The following BRINP1 variants were observed in gnomAD, a reference collection of about 807,000 sequenced individuals.
BRINP1 encodes BMP/retinoic acid inducible neural specific 1.
BRINP1 carries 17 observed loss-of-function variants against 72.9 expected under a neutral mutation model. The ratio of observed to expected loss-of-function variants is 0.23; its 90% CI spans 0.16 to 0.35. BRINP1 has a LOEUF of 0.35. Among genes scored for constraint, BRINP1 ranks in the 10% least tolerant of loss-of-function variants. BRINP1 has a pLI of 1.00. For synonymous variants in BRINP1, 418 were observed against 378.5 expected, an observed-to-expected ratio of 1.10 and a Z score of -1.21; for missense variants, 850 against 1,001.6, an observed-to-expected ratio of 0.85 and a Z score of 2.04.
intron 7 of BRINP1, among the ~76,000 whole-genome samples, chr9:119,198,116 C>T (rs1208984541): frequency 1.3e-5 from 2 of 152,154 alleles, no homozygotes; most frequent in South Asian, 2.1e-4. Context: ...TACCACTACC[C>T]TCAAAAAAGA....
chr9:119,296,233 C>G (rs1830876198), intron 2 of BRINP1, among the ~76,000 whole-genome samples: 1 of 152,022 alleles, frequency 6.6e-6, no homozygotes, highest in South Asian at 2.1e-4. Flanking sequence ...GGCTAAGGAC[C>G]TGAATAGGCA....
chr9:119,196,935 A>C (rs995912550), intron 7 of BRINP1, among the ~76,000 whole-genome samples: 1 of 152,238 alleles, frequency 6.6e-6, no homozygotes, highest in Admixed American at 6.5e-5. Flanking sequence ...ACAAAGCATA[A>C]TCATCCCTCA....
chr9:119,242,159 T>C lies in BRINP1; in HGVS notation c.467A>G (p.Asn156Ser). Reference sequence around the variant, plus strand: ...CAGAGCTTCAACACTTTGAGTGGCATTCCCTGACTTCCTGTCGAGGCGACT... The same window carrying C: ...CAGAGCTTCAACACTTTGAGTGGCACTCCCTGACTTCCTGTCGAGGCGACT... Reference protein sequence around the residue: ...DKSRLDRKSGNATQSVEALHQ... With the variant: ...DKSRLDRKSGSATQSVEALHQ... Residue 156 changes from asparagine to serine, a missense_variant, in exon 4 of 8, where the codon AAT becomes AGT. Coordinates refer to ENST00000265922, the MANE Select transcript of BRINP1 (RefSeq NM_014618.3). The C allele has an allele frequency of 6.2e-7, 1 of 1,614,176 alleles. No homozygotes were observed. Among genetic ancestry groups the C allele is most frequent in the Non-Finnish European group, 8.5e-7 (1 of 1,180,032 alleles).
chr9:119,214,577 C>A (rs1211253275), intron 5 of BRINP1, among the ~76,000 whole-genome samples: 3 of 131,052 alleles, frequency 2.3e-5, no homozygotes, highest in Non-Finnish European at 4.9e-5. Context: ...AGGCACTAGG[C>A]CTGTAGAGAT....
chr9:119,205,827 G>T (rs34066606), intron 7 of BRINP1, among the ~76,000 whole-genome samples: 39,262 of 151,606 alleles, frequency 0.26, 6,404 homozygotes, highest in East Asian at 0.56. Flanking sequence ...ACTGAAAGAG[G>T]TTATTTGTTT....
chr9:119,316,341 GCCTCC>G (rs1831124160), intron 1 of BRINP1, among the ~76,000 whole-genome samples: 1 of 152,184 alleles, frequency 6.6e-6, no homozygotes, highest in Non-Finnish European at 1.5e-5. Context: ...GCCCGCCTCA[GCCTCC>G]CAAAGTGCTG....
intron 6 of BRINP1, among the ~76,000 whole-genome samples, chr9:119,210,472 T>C (rs1004971639): frequency 7.9e-5 from 12 of 152,116 alleles, no homozygotes; most frequent in African/African-American, 2.9e-4. Context: ...ATGAGGTAGG[T>C]ATTTTAGAGC....
intron 1 of BRINP1, among the ~76,000 whole-genome samples, chr9:119,348,661 C>G (rs1831472620): frequency 6.6e-6 from 1 of 152,172 alleles, no homozygotes; most frequent in Admixed American, 6.5e-5. Flanking sequence ...CAAGGTCATT[C>G]TCTCTTTGAA....
At chr9:119,307,375 T>C (rs1474816315) in intron 2 of BRINP1, among the ~76,000 whole-genome samples, 1 of 152,190 alleles carries the variant, frequency 6.6e-6, no homozygotes, top group Admixed American at 6.5e-5. Context: ...ATTTGCATAT[T>C]GGATCAAAAT....
At chr9:119,356,550 C>A (rs978137432) in intron 1 of BRINP1, among the ~76,000 whole-genome samples, 7 of 152,084 alleles carry the variant, frequency 4.6e-5, no homozygotes, top group Admixed American at 2.6e-4. Flanking sequence ...CGCCTGTAAT[C>A]CTAGCACTTT....
intron 2 of BRINP1, among the ~76,000 whole-genome samples, chr9:119,281,046 A>C (rs1184997181): frequency 1.3e-5 from 2 of 152,094 alleles, no homozygotes; most frequent in Non-Finnish European, 2.9e-5. Context: ...CAGATGCTGG[A>C]GTTAATCAGG....
At chr9:119,300,790 T>C (rs533569027) in intron 2 of BRINP1, among the ~76,000 whole-genome samples, 20 of 152,348 alleles carry the variant, frequency 1.3e-4, no homozygotes, top group African/African-American at 4.6e-4. Context: ...GGTCAAGACT[T>C]TATAAAAGAC....
chr9:119,294,735 A>T (rs1830856444), intron 2 of BRINP1, among the ~76,000 whole-genome samples: 1 of 150,324 alleles, frequency 6.7e-6, no homozygotes, highest in Non-Finnish European at 1.5e-5. Context: ...ATGTGTCTGT[A>T]TTCTCAGCTA....
At chr9:119,310,820 C>T (rs115902737) in intron 2 of BRINP1, among the ~76,000 whole-genome samples, 296 of 152,190 alleles carry the variant, frequency 1.9e-3, no homozygotes, top group African/African-American at 6.7e-3. Context: ...TTTGCTGAAA[C>T]GTCAATGTTT....
intron 2 of BRINP1, among the ~76,000 whole-genome samples, chr9:119,252,616 A>G (rs1830403266): frequency 6.6e-6 from 1 of 151,848 alleles, no homozygotes; most frequent in Non-Finnish European, 1.5e-5. Context: ...TGCTTTTTTC[A>G]TATGAACACA....
At chr9:119,222,307 A>T (rs2118886543) in intron 5 of BRINP1, among the ~76,000 whole-genome samples, 1 of 152,274 alleles carries the variant, frequency 6.6e-6, no homozygotes, top group East Asian at 1.9e-4. Flanking sequence ...CAGATACAGG[A>T]GTTGACAAAC....
At chr9:119,304,724 A>AC (rs1830976877) in intron 2 of BRINP1, among the ~76,000 whole-genome samples, 1 of 152,238 alleles carries the variant, frequency 6.6e-6, no homozygotes, top group Non-Finnish European at 1.5e-5. Context: ...AGGCTGCCTG[A>AC]CCAGTAGGTC....
At chr9:119,339,994 C>G (rs1831390821) in intron 1 of BRINP1, among the ~76,000 whole-genome samples, 1 of 152,160 alleles carries the variant, frequency 6.6e-6, no homozygotes, top group South Asian at 2.1e-4. Context: ...CTCCCTGCCC[C>G]TCCCCAAGCT....
chr9:119,198,133 C>T (rs186641324), intron 7 of BRINP1, among the ~76,000 whole-genome samples: 1 of 152,262 alleles, frequency 6.6e-6, no homozygotes, highest in East Asian at 1.9e-4. Flanking sequence ...AAGATTTTGG[C>T]TTTACTTCAA....
Sources: allele counts gnomAD v4.1 joint callset (sites outside exome capture counted in the v4.1 genomes callset), GRCh38; gene constraint gnomAD v4.1.1; transcripts MANE v1.5; gene names NCBI Gene and HGNC (gene_info 2026-07-23, HGNC 2026-07-21).